PCDH15: variants seen among roughly 807,000 people sequenced by gnomAD.
The protein encoded by PCDH15 is protocadherin related 15.
A neutral mutation model predicts 178.5 loss-of-function variants in PCDH15; 129 were observed. The ratio of observed to expected loss-of-function variants is 0.72; its 90% CI spans 0.63 to 0.84. The LOEUF is 0.84. PCDH15 is among the 40% of genes least tolerant of loss of function. PCDH15 has a pLI of 0.00. For missense variants in PCDH15, 2,230 were observed against 2,099.9 expected, an observed-to-expected ratio of 1.06 and a Z score of -1.21; for synonymous variants, 800 against 732.0, an observed-to-expected ratio of 1.09 and a Z score of -1.50.
chr10:54,833,308 T>C (rs1953257789), intron 3 of PCDH15, among the ~76,000 whole-genome samples: 1 of 152,208 alleles, frequency 6.6e-6, no homozygotes, highest in Non-Finnish European at 1.5e-5. Flanking sequence ...TCCATTTGTT[T>C]AGTTAAACAT....
chr10:54,421,447 A>G (rs1044715566), intron 3 of PCDH15, among the ~76,000 whole-genome samples: 1 of 138,078 alleles, frequency 7.2e-6, no homozygotes, highest in Non-Finnish European at 1.6e-5. Context: ...AGTGAGCTGG[A>G]CTATATAAAA....
chr10:54,139,851 A>C (rs908093970), intron 14 of PCDH15, among the ~76,000 whole-genome samples: 1 of 152,182 alleles, frequency 6.6e-6, no homozygotes, highest in Non-Finnish European at 1.5e-5. Flanking sequence ...TAATGAAAAA[A>C]ATAACAATTT....
intron 9 of PCDH15, among the ~76,000 whole-genome samples, chr10:54,222,055 A>G (rs73250871): frequency 0.024 from 3,696 of 152,260 alleles, 165 homozygotes; most frequent in African/African-American, 0.084. Flanking sequence ...TCATTTATCT[A>G]TTCATACATT....
chr10:55,538,105 A>G (rs2132071488), intron 2 of PCDH15, among the ~76,000 whole-genome samples: 1 of 152,282 alleles, frequency 6.6e-6, no homozygotes, highest in Non-Finnish European at 1.5e-5. Context: ...AAAGAGCTGC[A>G]CAGTTCAAGC....
chr10:55,578,580 ATAC>A lies in PCDH15; in HGVS notation c.-156+49042_-156+49044del, dbSNP rs1842542094. ...GTCATTCATTATATTTAGCTGAATT[ATAC>A]CAACCGCACTTTCATTGACGTTGAT... On this transcript the variant is annotated intron_variant, in intron 2 of 5. Coordinates refer to the PCDH15 transcript ENST00000613346. 3.3e-5 allele frequency among the ~76,000 whole-genome samples: 5 copies of A among 152,324 alleles called. No individual in the cohort carries two copies. The East Asian group carries it at 9.6e-4, about 29-fold the overall frequency.
chr10:54,282,706 G>T (rs1030558350), intron 8 of PCDH15, among the ~76,000 whole-genome samples: 2 of 152,020 alleles, frequency 1.3e-5, no homozygotes, highest in African/African-American at 4.8e-5. Flanking sequence ...CATTAGACTT[G>T]TGATGAATTC....
intron 1 of PCDH15, among the ~76,000 whole-genome samples, chr10:55,197,192 T>C (rs1181282445): frequency 6.6e-6 from 1 of 152,068 alleles, no homozygotes; most frequent in Non-Finnish European, 1.5e-5. Flanking sequence ...CAAAAAGATA[T>C]TAAGATACCA....
At chr10:55,247,564 C>A (rs1841710061) in intron 1 of PCDH15, among the ~76,000 whole-genome samples, 1 of 151,858 alleles carries the variant, frequency 6.6e-6, no homozygotes, top group Non-Finnish European at 1.5e-5. Flanking sequence ...AAACTGATAG[C>A]TGAGTTAAAG....
chr10:54,649,749 A>T (rs2094212213), intron 2 of PCDH15, among the ~76,000 whole-genome samples: 3 of 152,170 alleles, frequency 2.0e-5, no homozygotes, highest in Admixed American at 2.0e-4. Context: ...CAGGATGCAA[A>T]AAAGGTACAC....
intron 3 of PCDH15, among the ~76,000 whole-genome samples, chr10:54,450,819 T>C (rs1402265260): frequency 6.6e-6 from 1 of 151,864 alleles, no homozygotes; most frequent in Non-Finnish European, 1.5e-5. Flanking sequence ...AAATGCTCTG[T>C]AAACAAAATG....
At chr10:54,150,741 TATTA>T (rs1225091127) in intron 14 of PCDH15, among the ~76,000 whole-genome samples, 2 of 152,078 alleles carry the variant, frequency 1.3e-5, no homozygotes, top group African/African-American at 4.8e-5. Context: ...ATATTATAGT[TATTA>T]ATTATTTTGG....
intron 2 of PCDH15, among the ~76,000 whole-genome samples, chr10:55,592,442 G>C (rs1589162744): frequency 6.6e-6 from 1 of 152,122 alleles, no homozygotes; most frequent in Admixed American, 6.6e-5. Flanking sequence ...GATCCAGCCA[G>C]GCAGCTCTGT....
chr10:53,851,622 G>C (rs1009329157), intron 28 of PCDH15, among the ~76,000 whole-genome samples: 1 of 142,868 alleles, frequency 7.0e-6, no homozygotes, highest in Non-Finnish European at 1.5e-5. Flanking sequence ...CTAGCAGTTA[G>C]CGTTTCATAG....
At chr10:54,584,086 T>G (rs761394231) in intron 2 of PCDH15, among the ~76,000 whole-genome samples, 1 of 152,122 alleles carries the variant, frequency 6.6e-6, no homozygotes, top group Non-Finnish European at 1.5e-5. Flanking sequence ...ACCTCATTAT[T>G]ACATAATATA....
At chr10:54,522,151 C>T (rs1420006867) in intron 3 of PCDH15, among the ~76,000 whole-genome samples, 1 of 144,282 alleles carries the variant, frequency 6.9e-6, no homozygotes, top group African/African-American at 2.6e-5. Flanking sequence ...CATCTACACA[C>T]AGTTGTGAAT....
At position 53,991,858 on chromosome 10, in the gene PCDH15, ACCAATCAGCTCTCTGTAAAATGGG is replaced by A. The variant is rs1191722407; in HGVS notation, c.2868+3767_2868+3790del. ...GACCAATCAGCTCTCTGTAAAATGG[ACCAATCAGCTCTCTGTAAAATGGG>A]CCAATCAGCATGATGTGGGTGGGGT... is the stretch of plus-strand genomic sequence containing the variant. On this transcript the variant is annotated intron_variant, in intron 21 of 37. Transcript: ENST00000644397. Among the ~76,000 whole-genome samples, 204 of 152,160 alleles carry A rather than the reference ACCAATCAGCTCTCTGTAAAATGGG, an allele frequency of 1.3e-3. 1 individual carries two copies. Among genetic ancestry groups the A allele is most frequent in the Middle Eastern group, 3.4e-3 (1 of 294 alleles).
chr10:55,309,769 A>T (rs1843532493), intron 1 of PCDH15, among the ~76,000 whole-genome samples: 1 of 152,148 alleles, frequency 6.6e-6, no homozygotes, highest in African/African-American at 2.4e-5. Flanking sequence ...TTAACTGTAA[A>T]GTGTTCTTTA....
chr10:55,275,140 T>C (rs1435176687), intron 1 of PCDH15, among the ~76,000 whole-genome samples: 1 of 152,042 alleles, frequency 6.6e-6, no homozygotes, highest in Non-Finnish European at 1.5e-5. Flanking sequence ...AAATGCCTGA[T>C]AATATATTTT....
At chr10:55,605,005 T>G (rs1191986042) in intron 2 of PCDH15, among the ~76,000 whole-genome samples, 1 of 152,008 alleles carries the variant, frequency 6.6e-6, no homozygotes, top group African/African-American at 2.4e-5. Flanking sequence ...CTAGCAAGAC[T>G]AATAAAGAAA....
Sources: allele counts gnomAD v4.1 joint callset (sites outside exome capture counted in the v4.1 genomes callset), GRCh38; gene constraint gnomAD v4.1.1; transcripts MANE v1.5; gene names NCBI Gene and HGNC (gene_info 2026-07-23, HGNC 2026-07-21).